The following SCAPER variants were observed in gnomAD, a reference collection of about 807,000 sequenced individuals.
SCAPER encodes the protein S-phase cyclin A associated protein in the ER, also known as S phase cyclin A-associated protein in the endoplasmic reticulum.
A neutral mutation model predicts 182.2 loss-of-function variants in SCAPER; 98 were observed. The observed-to-expected ratio is 0.54, with a 90% CI of 0.46 to 0.64. The LOEUF (loss-of-function observed/expected upper bound fraction) is 0.64. Ranked by LOEUF, SCAPER falls within the 30% of genes least tolerant of loss-of-function variation. The probability of loss-of-function intolerance (pLI) is 0.00; values close to 1 mark genes in which losing one functional copy is unlikely to be tolerated. For missense variants in SCAPER, 1,432 were observed against 1,690.0 expected (o/e 0.85, Z 2.68); for synonymous variants, 605 against 564.6 (o/e 1.07, Z -1.01).
chr15:76,551,856 A>G (rs1169520466), intron 23 of SCAPER, among the ~76,000 whole-genome samples: 1 of 152,124 alleles, frequency 6.6e-6, no homozygotes, highest in South Asian at 2.1e-4. Flanking sequence ...ATAAAATACA[A>G]CTTCAGCTAG....
At chr15:76,719,701 C>A (rs1355837275) in intron 17 of SCAPER, among the ~76,000 whole-genome samples, 1 of 151,958 alleles carries the variant, frequency 6.6e-6, no homozygotes, top group East Asian at 1.9e-4. Context: ...TTTTAAAAAA[C>A]CTAAGGCAGA....
At chr15:76,411,653 T>C (rs1316645112) in intron 26 of SCAPER, among the ~76,000 whole-genome samples, 2 of 152,204 alleles carry the variant, frequency 1.3e-5, no homozygotes, top group African/African-American at 4.8e-5. Flanking sequence ...AAGAGTAGAA[T>C]TGTTGAGTCA....
intron 7 of SCAPER, among the ~76,000 whole-genome samples, chr15:76,799,249 T>C (rs142293331): frequency 6.5e-4 from 99 of 152,198 alleles, no homozygotes; most frequent in African/African-American, 2.2e-3. Flanking sequence ...TGATTGAATA[T>C]ATTCCATGTC....
chr15:76,410,289 T>C (rs1173128034), intron 26 of SCAPER, among the ~76,000 whole-genome samples: 1 of 152,256 alleles, frequency 6.6e-6, no homozygotes, highest in Non-Finnish European at 1.5e-5. Flanking sequence ...GATAACCGTT[T>C]GTAATCATGC....
At chr15:76,888,890 T>A (rs2074008637) in intron 1 of SCAPER, among the ~76,000 whole-genome samples, 1 of 151,770 alleles carries the variant, frequency 6.6e-6, no homozygotes, top group South Asian at 2.1e-4. Flanking sequence ...TTCACCAAGG[T>A]TGAAATAAAG....
At chr15:76,792,495 C>A (rs920814294) in intron 8 of SCAPER, among the ~76,000 whole-genome samples, 8 of 152,196 alleles carry the variant, frequency 5.3e-5, no homozygotes, top group Non-Finnish European at 1.0e-4. Context: ...TGTTCACCCT[C>A]CCTTGAATCT....
At position 76,804,585 on chromosome 15, in the gene SCAPER, T is replaced by A. The variant is rs2066010822; in HGVS notation, c.442A>T (p.Ile148Phe). ...TTTTCCTGAAGCTGAATCCAGTCAA[T>A]CAATGCTTTGAAATCTCTTACATAG... ...DNYVRDFKAL[I>F]DWIQLQEKLE... The change falls in exon 6 of 32, where the codon ATT becomes TTT. Residue 148 changes from isoleucine to phenylalanine, a missense_variant. Coordinates refer to ENST00000563290, the MANE Select transcript of SCAPER (RefSeq NM_020843.4). 1 of 1,611,868 alleles carries A rather than the reference T, an allele frequency of 6.2e-7. No individual in the cohort carries two copies. Among genetic ancestry groups the A allele is most frequent in the Non-Finnish European group, 8.5e-7 (1 of 1,179,480 alleles).
chr15:76,476,504 A>T (rs565592648), intron 24 of SCAPER, among the ~76,000 whole-genome samples: 1 of 151,618 alleles, frequency 6.6e-6, no homozygotes, highest in African/African-American at 2.4e-5. Flanking sequence ...TCATAGCTCA[A>T]TGCAGCCTGA....
intron 22 of SCAPER, among the ~76,000 whole-genome samples, chr15:76,608,611 C>T (rs1354820208): frequency 6.6e-6 from 1 of 152,184 alleles, no homozygotes; most frequent in Non-Finnish European, 1.5e-5. Flanking sequence ...GCCCTGCCCC[C>T]AGAGGTGGAG....
At chr15:76,518,108 C>T (rs1435961125) in intron 23 of SCAPER, among the ~76,000 whole-genome samples, 1 of 152,132 alleles carries the variant, frequency 6.6e-6, no homozygotes, top group Non-Finnish European at 1.5e-5. Flanking sequence ...GGGAAACAGG[C>T]CTTGGGTAAG....
intron 27 of SCAPER, among the ~76,000 whole-genome samples, chr15:76,393,061 T>G (rs1214103077): frequency 6.6e-6 from 1 of 152,234 alleles, no homozygotes; most frequent in African/African-American, 2.4e-5. Context: ...GTTGTCATCT[T>G]TCCATTCCTT....
chr15:76,734,882 C>T (rs2061150931), intron 15 of SCAPER, among the ~76,000 whole-genome samples: 1 of 152,146 alleles, frequency 6.6e-6, no homozygotes, highest in East Asian at 1.9e-4. Flanking sequence ...ATCTCTCTCT[C>T]TCTATATATA....
intron 26 of SCAPER, among the ~76,000 whole-genome samples, chr15:76,406,772 T>A (rs2044871842): frequency 6.6e-6 from 1 of 152,212 alleles, no homozygotes; most frequent in African/African-American, 2.4e-5. Flanking sequence ...TCTCCTCTCC[T>A]ATTTCATATG....
In SCAPER at chr15:76,488,714, C is replaced by CTTTTTTTTTTTTT. The variant is rs71143333; in HGVS notation, c.2954+16132_2954+16144dup. Among the ~76,000 whole-genome samples, 482 of 92,994 alleles carry CTTTTTTTTTTTTT rather than the reference C, an allele frequency of 5.2e-3. 51 individuals are homozygous for CTTTTTTTTTTTTT. Among genetic ancestry groups the CTTTTTTTTTTTTT allele is most frequent in the East Asian group, 0.023 (57 of 2,456 alleles). 61.0% of individuals were successfully genotyped at this position (92,994 alleles called of 152,430 possible). On this transcript the variant is annotated intron_variant, in intron 24 of 31. Coordinates refer to ENST00000563290, the MANE Select transcript of SCAPER (RefSeq NM_020843.4). Reference sequence around the variant, plus strand: ...TTGCATCCTGATAACAGTACACTGCCTTTTTTTTTTTTTTTTTTTTTTTTT... The same window carrying CTTTTTTTTTTTTT: ...TTGCATCCTGATAACAGTACACTGCCTTTTTTTTTTTTTTTTTTTTTTTTTTTTTTTTTTTTTT...
chr15:76,510,977 T>C (rs1188091634), intron 23 of SCAPER, among the ~76,000 whole-genome samples: 1 of 152,186 alleles, frequency 6.6e-6, no homozygotes. Flanking sequence ...TGGAGACTAT[T>C]ATTTTAAGTG....
chr15:76,448,286 T>C (rs1388536084), intron 25 of SCAPER, among the ~76,000 whole-genome samples: 2 of 152,074 alleles, frequency 1.3e-5, no homozygotes, highest in African/African-American at 4.8e-5. Context: ...AGGAGGCTAT[T>C]ATATTACTTA....
At chr15:76,748,721 T>C (rs78640832) in intron 15 of SCAPER, among the ~76,000 whole-genome samples, 6,104 of 151,370 alleles carry the variant, frequency 0.04, 164 homozygotes, top group South Asian at 0.072. Context: ...CAAGAAGATA[T>C]ACAAATGGCC....
At chr15:76,714,536 T>A (rs2059780004) in intron 17 of SCAPER, among the ~76,000 whole-genome samples, 1 of 53,244 alleles carries the variant, frequency 1.9e-5, no homozygotes, top group African/African-American at 7.4e-5. Flanking sequence ...GTAGTAGTGG[T>A]AGTAGTAGTA....
chr15:76,457,660 G>T (rs996086724), intron 25 of SCAPER, among the ~76,000 whole-genome samples: 4 of 152,022 alleles, frequency 2.6e-5, no homozygotes, highest in Non-Finnish European at 5.9e-5. Flanking sequence ...GTAAGCTCAT[G>T]GGTTCATTTT....
Sources: gnomAD v4.1 joint callset for allele counts (sites outside exome capture counted in the v4.1 genomes callset) on GRCh38, gnomAD v4.1.1 for gene constraint, MANE v1.5 for transcripts, NCBI Gene and HGNC (gene_info 2026-07-23, HGNC 2026-07-21) for gene names.